Variants in STARD9 observed in about 807,000 individuals in gnomAD.
The protein encoded by STARD9 is StAR related lipid transfer domain containing 9, also known as stAR-related lipid transfer protein 9.
In STARD9, 346 loss-of-function variants were observed where a neutral mutation model predicts 399.8. That is an observed-to-expected ratio of 0.87 (90% CI 0.79 to 0.95). The LOEUF (loss-of-function observed/expected upper bound fraction) is 0.95. STARD9 is among the 40% of genes least tolerant of loss of function. The pLI, the probability that STARD9 is intolerant of heterozygous loss-of-function variation, is 0.00. For missense variants in STARD9, 5,832 were observed against 5,667.5 expected (o/e 1.03, Z -0.93); for synonymous variants, 2,203 against 2,143.5 (o/e 1.03, Z -0.77).
At chr15:42,626,809 G>A (rs2059235907) in intron 3 of STARD9, among the ~76,000 whole-genome samples, 1 of 151,572 alleles carries the variant, frequency 6.6e-6, no homozygotes, top group Admixed American at 6.6e-5. Context: ...ACCGCGCCTG[G>A]CCATCTTTAA....
At chr15:42,659,387 C>G (rs2059947765) in intron 9 of STARD9, among the ~76,000 whole-genome samples, 1 of 152,182 alleles carries the variant, frequency 6.6e-6, no homozygotes, top group African/African-American at 2.4e-5. Context: ...TACCACTACC[C>G]ACCTTTTAAC....
At chr15:42,597,374 TA>T (rs1178477240) in intron 3 of STARD9, among the ~76,000 whole-genome samples, 1 of 151,344 alleles carries the variant, frequency 6.6e-6, no homozygotes, top group Non-Finnish European at 1.5e-5. Context: ...TATGTATATT[TA>T]TTTTTTTTTT....
At chr15:42,626,097 T>G (rs377237002) in intron 3 of STARD9, among the ~76,000 whole-genome samples, 1 of 151,852 alleles carries the variant, frequency 6.6e-6, no homozygotes, top group African/African-American at 2.4e-5. Flanking sequence ...AATTGTTGTA[T>G]TTTTTAGTAG....
rs1199297137 is a variant in STARD9, at chr15:42,691,846, C to A, written c.10268C>A (p.Thr3423Asn). 1.4e-5 allele frequency: 21 copies of A among 1,537,138 alleles called. No homozygotes were observed. Among genetic ancestry groups the A allele is most frequent in the Non-Finnish European group, 1.6e-5 (18 of 1,146,922 alleles). ...CACATGCCAACCCCTGATTTCACGA[C>A]CAGCTGGATGTCTGGTACTTTGGAA... ...LSHMPTPDFTTSWMSGTLEQA... is the reference protein window; with the variant it reads ...LSHMPTPDFTNSWMSGTLEQA... Residue 3423 changes from threonine to asparagine, a missense_variant, in exon 23 of 33, where the codon ACC (threonine) becomes AAC (asparagine). This residue lies in a region of STARD9 where 5,828 missense variants were observed against 5,651.1 expected (regional missense o/e 1.03). Coordinates refer to ENST00000290607, the MANE Select transcript of STARD9 (RefSeq NM_020759.3).
chr15:42,644,515 A>G (rs2059609249), intron 7 of STARD9, among the ~76,000 whole-genome samples: 1 of 152,092 alleles, frequency 6.6e-6, no homozygotes, highest in Non-Finnish European at 1.5e-5. Context: ...ATGTACATAC[A>G]TTAATTTAAA....
chr15:42,685,055 C>CA lies in STARD9; in HGVS notation c.3482dup (p.Asn1161LysfsTer20). 6.5e-7 allele frequency: 1 copy of CA among 1,537,152 alleles called. No homozygotes were observed. Among genetic ancestry groups the CA allele is most frequent in the Non-Finnish European group, 8.7e-7 (1 of 1,146,914 alleles). The stretch of plus-strand genomic sequence containing the variant: ...TGGCTGAGAAGAGGTACCAAAGCCC[C>CA]AAAAACAGGCTAGGGGGCAATCGTC... On this transcript the variant is annotated frameshift_variant, in exon 23 of 33. Coordinates refer to ENST00000290607, the MANE Select transcript of STARD9 (RefSeq NM_020759.3). LOFTEE classifies it high-confidence loss of function.
chr15:42,688,609 G>A lies in STARD9; in HGVS notation c.7031G>A (p.Arg2344Lys). The A allele has an allele frequency of 6.5e-7, 1 of 1,537,618 alleles. No individual in the cohort carries two copies. The highest frequency in any genetic ancestry group is 8.7e-7 in the Non-Finnish European group (1 of 1,147,002). Residue 2344 changes from arginine to lysine, a missense_variant, in exon 23 of 33, where the codon AGA (arginine) becomes AAA (lysine). Physicochemically the swap from Arg to Lys is conservative, Grantham distance 26. Transcript: ENST00000290607. ...TLPLNSPRWP[R>K]RCLHVPVALG... ...CCCTTGAATTCTCCAAGGTGGCCAA[G>A]AAGGTGTCTTCATGTACCTGTTGCT...
At chr15:42,710,792 A>T (rs1047336955) in intron 26 of STARD9, among the ~76,000 whole-genome samples, 2 of 152,064 alleles carry the variant, frequency 1.3e-5, no homozygotes, top group African/African-American at 4.8e-5. Flanking sequence ...ATCTGCTCCA[A>T]GCCTCTTTCC....
At position 42,685,939 on chromosome 15, in the gene STARD9, C is replaced by T; in HGVS notation, c.4361C>T (p.Ser1454Phe). ...CCTGACATGACCCAGCAGGGCAGCT[C>T]TGAAGCATCCCACAATTCTAGCGTA... is the stretch of plus-strand genomic sequence containing the variant. ...CIPDMTQQGSSEASHNSSVSN... is the reference protein window; with the variant it reads ...CIPDMTQQGSFEASHNSSVSN... Residue 1454 changes from serine to phenylalanine, a missense_variant, in exon 23 of 33, where the codon TCT becomes TTT. Coordinates refer to ENST00000290607, the MANE Select transcript of STARD9 (RefSeq NM_020759.3). 1 of 1,537,218 alleles carries T rather than the reference C, an allele frequency of 6.5e-7. No homozygotes were observed. Among genetic ancestry groups the T allele is most frequent in the Non-Finnish European group, 8.7e-7 (1 of 1,146,918 alleles).
intron 3 of STARD9, among the ~76,000 whole-genome samples, chr15:42,597,568 G>A (rs999645728): frequency 2.0e-5 from 3 of 151,550 alleles, no homozygotes; most frequent in South Asian, 2.1e-4. Flanking sequence ...ATAGAGTCTC[G>A]CTCTGTTGCC....
In STARD9 at chr15:42,688,904, C is replaced by T; in HGVS notation, c.7326C>T (p.Pro2442=). ...TEDRISASTS[P]QDHGKDLRIT... ...ACAGGATCTCAGCAAGCACCAGCCC[C>T]CAAGACCATGGAAAGGACCTCAGAA... Residue 2442 remains proline (P), a synonymous_variant, in exon 23 of 33, where the codon CCC becomes CCT. Coordinates refer to ENST00000290607, the MANE Select transcript of STARD9 (RefSeq NM_020759.3). 2.0e-6 allele frequency: 3 copies of T among 1,537,368 alleles called. No homozygotes were observed. The highest frequency in any genetic ancestry group is 2.6e-6 in the Non-Finnish European group (3 of 1,146,940).
chr15:42,686,985 C>A lies in STARD9; in HGVS notation c.5407C>A (p.Gln1803Lys), dbSNP rs760530844. The change falls in exon 23 of 33, where the codon CAA becomes AAA. Residue 1803 changes from glutamine to lysine, a missense_variant. By Grantham distance (53) the Gln-to-Lys change is moderately conservative. Coordinates refer to ENST00000290607, the MANE Select transcript of STARD9 (RefSeq NM_020759.3). ...GAAGAATAATTTGCCAGTGCTGTTA[C>A]AAAACCAGAATTCTAAGATTGCCTC... Reference protein sequence around the residue: ...YLKNNLPVLLQNQNSKIASSQ... With the variant: ...YLKNNLPVLLKNQNSKIASSQ... 6.5e-7 allele frequency: 1 copy of A among 1,536,752 alleles called. No homozygotes were observed. The highest frequency in any genetic ancestry group is 2.4e-5 in the East Asian group (1 of 40,916).
intron 3 of STARD9, among the ~76,000 whole-genome samples, chr15:42,607,497 C>A (rs981102142): frequency 6.6e-6 from 1 of 151,818 alleles, no homozygotes; most frequent in Non-Finnish European, 1.5e-5. Context: ...GCCACTGTGC[C>A]CACCCTCCTG....
intron 9 of STARD9, 80 bp downstream of exon 9, chr15:42,652,672 C>CT: frequency 2.3e-6 from 3 of 1,320,256 alleles, no homozygotes; most frequent in South Asian, 1.3e-5. Context: ...CTTCCTATTT[C>CT]TTTTTTTGTT....
Position 42,694,110 on chromosome 15 carries a change from C to G in STARD9, c.12532C>G (p.Pro4178Ala), listed in dbSNP as rs1168396043. The change falls in exon 23 of 33, where the codon CCC becomes GCC. Residue 4178 changes from proline (P) to alanine (A), a missense_variant. Physicochemically the swap from Pro to Ala is conservative, Grantham distance 27 (BLOSUM62 -1). This residue lies in a region of STARD9 where 5,828 missense variants were observed against 5,651.1 expected (regional missense o/e 1.03). Coordinates refer to ENST00000290607, the MANE Select transcript of STARD9 (RefSeq NM_020759.3). Reference sequence around the variant, plus strand: ...CAGCTCTGAAAAGCAGGAACAGAGTCCCCCACAACCTCCTAATGACCACAG... The same window carrying G: ...CAGCTCTGAAAAGCAGGAACAGAGTGCCCCACAACCTCCTAATGACCACAG... ...DLSSEKQEQS[P>A]PQPPNDHSQD... The G allele has an allele frequency of 2.0e-6, 3 of 1,536,936 alleles. No homozygotes were observed. The highest frequency in any genetic ancestry group is 2.6e-6 in the Non-Finnish European group (3 of 1,146,802).
Position 42,691,751 on chromosome 15 carries a change from T to C in STARD9, c.10173T>C (p.Asp3391=). 6.5e-7 allele frequency: 1 copy of C among 1,537,252 alleles called. No homozygotes were observed. Among genetic ancestry groups the C allele is most frequent in the Non-Finnish European group, 8.7e-7 (1 of 1,146,912 alleles). The part of the protein sequence containing the change: ...DSNQKASSRL[D]DGTTDHRHLK... Reference sequence around the variant, plus strand: ...ATCAGAAAGCCTCATCTCGCTTGGATGATGGGACTACCGATCACAGGCACC... The same window carrying C: ...ATCAGAAAGCCTCATCTCGCTTGGACGATGGGACTACCGATCACAGGCACC... The change falls in exon 23 of 33, where the codon GAT becomes GAC. Residue 3391 remains aspartate, a synonymous_variant. Coordinates refer to ENST00000290607, the MANE Select transcript of STARD9 (RefSeq NM_020759.3).
intron 9 of STARD9, among the ~76,000 whole-genome samples, chr15:42,658,879 A>G (rs2140075988): frequency 6.6e-6 from 1 of 152,280 alleles, no homozygotes. Context: ...TTGGGAGGCC[A>G]AGGTGGGTGG....
At chr15:42,581,198 A>T (rs1160456535) in intron 1 of STARD9, 1 of 776,672 alleles carries the variant, frequency 1.3e-6, no homozygotes, top group Non-Finnish European at 2.4e-6. Flanking sequence ...AGTTGTTCAA[A>T]TTATTGACTT....
intron 11 of STARD9, 110 bp from the exon 12 acceptor site, chr15:42,663,171 G>A: frequency 2.0e-6 from 2 of 1,007,660 alleles, no homozygotes; most frequent in Admixed American, 5.3e-5. Flanking sequence ...GTATGCAGAA[G>A]GGATTAGGAA....
Sources: gnomAD v4.1 joint callset for allele counts (sites outside exome capture counted in the v4.1 genomes callset) on GRCh38, gnomAD v4.1.1 for gene constraint, gnomAD v4.1.1 regional missense constraint, MANE v1.5 for transcripts, NCBI Gene and HGNC (gene_info 2026-07-23, HGNC 2026-07-21) for gene names.